The following PSD3 variants were observed in gnomAD, a reference collection of about 807,000 sequenced individuals.
PSD3 encodes pleckstrin and Sec7 domain containing 3.
PSD3 carries 49 observed loss-of-function variants against 105.5 expected under a neutral mutation model. The observed-to-expected ratio is 0.46, with a 90% confidence interval of 0.37 to 0.59. PSD3 has a LOEUF of 0.59. Ranked by LOEUF, PSD3 falls within the 20% of genes least tolerant of loss-of-function variation. The pLI, the probability that PSD3 is intolerant of heterozygous loss-of-function variation, is 0.00. For missense variants in PSD3, 1,561 were observed against 1,263.8 expected (o/e 1.24, Z -3.57); for synonymous variants, 557 against 457.8 (o/e 1.22, Z -2.77).
intron 12 of PSD3, among the ~76,000 whole-genome samples, chr8:18,577,169 C>G (rs2130373578): frequency 6.6e-6 from 1 of 151,812 alleles, no homozygotes; most frequent in South Asian, 2.1e-4. Context: ...CTTCTTTAAT[C>G]TTAGTAATAT....
Position 18,627,983 on chromosome 8 carries a change from G to C in PSD3, c.2410+4630C>G, listed in dbSNP as rs1439930368. ...CAACCTGATAAGGAGAGAAACGGAAGATATAAAATAGACCCAAGTTGAACT... is the reference window on the plus strand; with the variant it reads ...CAACCTGATAAGGAGAGAAACGGAACATATAAAATAGACCCAAGTTGAACT... On this transcript the variant is annotated intron_variant, in intron 11 of 15. Coordinates refer to ENST00000327040, the MANE Select transcript of PSD3 (RefSeq NM_015310.4). Among the ~76,000 whole-genome samples the C allele has an allele frequency of 1.9e-4, 29 of 151,850 alleles. 1 individual carries two copies. The highest frequency in any genetic ancestry group is 1.8e-3 in the Admixed American group (27 of 15,204).
intron 1 of PSD3, among the ~76,000 whole-genome samples, chr8:18,969,821 C>T (rs1302328602): frequency 6.6e-6 from 1 of 152,024 alleles, no homozygotes; most frequent in Non-Finnish European, 1.5e-5. Context: ...ATAGTTCCAT[C>T]ATTATGGGTC....
intron 8 of PSD3, among the ~76,000 whole-genome samples, chr8:18,766,053 A>C (rs1407397565): frequency 1.3e-5 from 2 of 152,006 alleles, no homozygotes; most frequent in East Asian, 3.9e-4. Context: ...AGGGCTGGGC[A>C]CAGTGGCTCC....
rs184024561 is a variant in PSD3, at chr8:19,037,725, C to G, written c.324+46481G>C. 1.4e-3 allele frequency among the ~76,000 whole-genome samples: 214 copies of G among 152,206 alleles called. 2 individuals are homozygous for G. The highest frequency in any genetic ancestry group is 4.6e-3 in the African/African-American group (189 of 41,526). On this transcript the variant is annotated intron_variant, in intron 1 of 1. Coordinates refer to the PSD3 transcript ENST00000521475. The stretch of plus-strand genomic sequence containing the variant: ...ACACTGGTACTTCTAGTTTCTGGGC[C>G]TTCACACTCAGAACAGAACTTGCAT...
intron 9 of PSD3, among the ~76,000 whole-genome samples, chr8:18,691,508 T>C (rs772661634): frequency 7.9e-5 from 12 of 152,230 alleles, no homozygotes; most frequent in Non-Finnish European, 2.9e-5. Context: ...TGAGGCATTA[T>C]AAACTCTTCT....
At chr8:19,007,740 A>G (rs73666782) in intron 1 of PSD3, among the ~76,000 whole-genome samples, 3,402 of 149,750 alleles carry the variant, frequency 0.023, 140 homozygotes, top group African/African-American at 0.078. Context: ...GCTTAAATCA[A>G]CAGCATAATA....
intron 15 of PSD3, among the ~76,000 whole-genome samples, chr8:18,544,851 C>T (rs1800363086): frequency 6.6e-6 from 1 of 152,024 alleles, no homozygotes; most frequent in Non-Finnish European, 1.5e-5. Flanking sequence ...TCTTCAGTGC[C>T]CCTACGGAGT....
intron 9 of PSD3, among the ~76,000 whole-genome samples, chr8:18,758,653 C>T (rs1222220177): frequency 1.3e-5 from 2 of 152,016 alleles, no homozygotes; most frequent in Non-Finnish European, 2.9e-5. Flanking sequence ...CAAAAAGATG[C>T]ATTAATCTTT....
At chr8:19,037,406 C>G (rs1251987273) in intron 1 of PSD3, among the ~76,000 whole-genome samples, 1 of 152,244 alleles carries the variant, frequency 6.6e-6, no homozygotes, top group Admixed American at 6.5e-5. Flanking sequence ...TCCGTGGCAA[C>G]TTACAGGGGC....
At chr8:18,537,285 G>A (rs893510137) in intron 15 of PSD3, among the ~76,000 whole-genome samples, 1 of 152,154 alleles carries the variant, frequency 6.6e-6, no homozygotes, top group African/African-American at 2.4e-5. Context: ...GCAAAGACAA[G>A]TTCAAAGTCA....
intron 10 of PSD3, among the ~76,000 whole-genome samples, chr8:18,649,182 C>G (rs1563420409): frequency 6.6e-6 from 1 of 152,210 alleles, no homozygotes; most frequent in Non-Finnish European, 1.5e-5. Flanking sequence ...AGTTTGCACC[C>G]TGCACCTGGA....
intron 1 of PSD3, among the ~76,000 whole-genome samples, chr8:18,970,211 G>A (rs1051851977): frequency 1.5e-4 from 23 of 148,958 alleles, no homozygotes; most frequent in Non-Finnish European, 3.3e-4. Context: ...TGTAGTCCCA[G>A]CTACTCAGGA....
At chr8:18,952,454 T>C (rs1052570852) in intron 1 of PSD3, among the ~76,000 whole-genome samples, 1 of 152,218 alleles carries the variant, frequency 6.6e-6, no homozygotes, top group Non-Finnish European at 1.5e-5. Flanking sequence ...AGATCACCTA[T>C]ACATTTTATT....
Position 18,868,028 on chromosome 8 carries a change from T to A in PSD3, c.1280A>T (p.Asp427Val). 1 of 1,613,442 alleles carries A rather than the reference T, an allele frequency of 6.2e-7. No homozygotes were observed. Among genetic ancestry groups the A allele is most frequent in the Non-Finnish European group, 8.5e-7 (1 of 1,179,758 alleles). The change falls in exon 4 of 16, where the codon GAC (aspartate) becomes GTC (valine). Residue 427 changes from aspartate to valine, a missense_variant. Transcript: ENST00000327040. Reference protein sequence around the residue: ...QEEHVKGEDEDILGPGYTEDS... With the variant: ...QEEHVKGEDEVILGPGYTEDS... ...CTCCGTATATCCAGGCCCAAGGATG[T>A]CTTCATCTTCCCCCTTAACGTGCTC... is the stretch of plus-strand genomic sequence containing the variant.
At chr8:18,649,462 T>A (rs1403720066) in intron 10 of PSD3, among the ~76,000 whole-genome samples, 3 of 152,252 alleles carry the variant, frequency 2.0e-5, no homozygotes, top group African/African-American at 7.2e-5. Context: ...AGCCAATGCC[T>A]GTACCCCCAT....
chr8:18,803,409 G>GTGTGTGTGTGTGTT (rs1483950298), intron 6 of PSD3: 1 of 151,822 alleles, frequency 6.6e-6, no homozygotes, highest in Non-Finnish European at 1.5e-5. Context: ...GTGTGTGTGT[G>GTGTGTGTGTGTGTT]TGTGTGTGTG....
At chr8:18,564,573 G>A (rs755912119) in intron 14 of PSD3, among the ~76,000 whole-genome samples, 3 of 151,112 alleles carry the variant, frequency 2.0e-5, no homozygotes, top group Non-Finnish European at 2.9e-5. Flanking sequence ...AGGTTGCAGT[G>A]AGCCAAGATG....
chr8:18,963,802 C>T (rs922851709), intron 1 of PSD3, among the ~76,000 whole-genome samples: 7 of 152,146 alleles, frequency 4.6e-5, no homozygotes, highest in African/African-American at 1.7e-4. Flanking sequence ...ATTATCGAAA[C>T]ATGAAGCAAA....
At position 18,563,696 on chromosome 8, in the gene PSD3, C is replaced by T. The variant is rs73577851; in HGVS notation, c.2785-7344G>A. On this transcript the variant is annotated intron_variant, in intron 14 of 15. Coordinates refer to ENST00000327040, the MANE Select transcript of PSD3 (RefSeq NM_015310.4). ...TTGGGTACTTAATATATATTAAATA[C>T]AGACCTCGAAGAAATGAATTTTTAA... Among the ~76,000 whole-genome samples the T allele has an allele frequency of 3.0e-3, 455 of 152,184 alleles. 2 individuals carry two copies. Among genetic ancestry groups the T allele is most frequent in the African/African-American group, 9.5e-3 (393 of 41,540 alleles).
Sources: allele counts gnomAD v4.1 joint callset (sites outside exome capture counted in the v4.1 genomes callset), GRCh38; gene constraint gnomAD v4.1.1; transcripts MANE v1.5; gene names NCBI Gene and HGNC (gene_info 2026-07-23, HGNC 2026-07-21).